Variants in GRID1 observed in about 807,000 individuals in gnomAD.
GRID1 encodes glutamate ionotropic receptor delta type subunit 1.
In GRID1, 28 loss-of-function variants were observed where a neutral mutation model predicts 98.0. The observed-to-expected ratio is 0.29, with a 90% CI of 0.21 to 0.39. The LOEUF (loss-of-function observed/expected upper bound fraction) is 0.39. GRID1 is among the 10% of genes least tolerant of loss of function. The pLI is 1.00. For synonymous variants in GRID1, 553 were observed against 538.5 expected, an observed-to-expected ratio of 1.03 and a Z score of -0.37; for missense variants, 1,111 against 1,340.5, an observed-to-expected ratio of 0.83 and a Z score of 2.67.
chr10:86,197,713 G>C lies in GRID1; in HGVS notation c.520+8651C>G, dbSNP rs139420334. Among the ~76,000 whole-genome samples the C allele has an allele frequency of 6.9e-3, 1,045 of 152,144 alleles. 13 individuals are homozygous for C. Among genetic ancestry groups the C allele is most frequent in the African/African-American group, 0.024 (1,004 of 41,524 alleles). On this transcript the variant is annotated intron_variant, in intron 3 of 15. Transcript: ENST00000327946. Reference sequence around the variant, plus strand: ...GCCTCACTTTCCAGTCCTTTATGCAGGCCTGCATCAGGCATCTCCTCATGT... The same window carrying C: ...GCCTCACTTTCCAGTCCTTTATGCACGCCTGCATCAGGCATCTCCTCATGT...
chr10:85,820,055 C>A lies in GRID1; in HGVS notation c.1233+34441G>T, dbSNP rs149206070. 8.7e-3 allele frequency among the ~76,000 whole-genome samples: 843 copies of A among 97,250 alleles called. 6 individuals carry two copies. The highest frequency in any genetic ancestry group is 0.012 in the East Asian group (38 of 3,042). The allele number at this position is 97,250 out of a possible 152,430, so 63.8% of individuals were successfully genotyped here. On this transcript the variant is annotated intron_variant, in intron 8 of 15. Transcript: ENST00000327946. ...GCAGGCAGGCAGGCAGGCAGGCAGG[C>A]AGGCAGGCAGGCAGGAAGGCAGGTA...
intron 4 of GRID1, among the ~76,000 whole-genome samples, chr10:86,003,846 G>A (rs1842829295): frequency 6.6e-6 from 1 of 152,148 alleles, no homozygotes; most frequent in African/African-American, 2.4e-5. Context: ...AAAGTGTAAC[G>A]AACTTGGAGA....
At chr10:86,046,863 A>AG (rs1843431793) in intron 4 of GRID1, among the ~76,000 whole-genome samples, 1 of 42,288 alleles carries the variant, frequency 2.4e-5, no homozygotes, top group Non-Finnish European at 6.2e-5. Context: ...GCCCATTTCA[A>AG]AAAAAAAAAA....
In GRID1 at chr10:85,602,540, C is replaced by T; in HGVS notation, c.2763G>A (p.Gln921=). 6.2e-7 allele frequency: 1 copy of T among 1,614,100 alleles called. No homozygotes were observed. Residue 921 remains glutamine, a synonymous_variant, in exon 16 of 16, where the codon CAG becomes CAA. Transcript: ENST00000327946. The stretch of plus-strand genomic sequence containing the variant: ...AGGTGCTGACCGAGAGCTGGGTGTT[C>T]TGGTACTCCCGTGTCGGCTCCAAGG... ...TQTLEPTREY[Q]NTQLSVSTFL...
intron 8 of GRID1, among the ~76,000 whole-genome samples, chr10:85,731,559 G>A (rs1213706901): frequency 2.6e-5 from 4 of 151,952 alleles, no homozygotes; most frequent in South Asian, 4.2e-4. Flanking sequence ...CCAGCATTTC[G>A]GGAGGCCAAG....
rs1458088436 is a variant in GRID1 at position 85,854,481 on chromosome 10, G to A, written c.1233+15C>T. 1.2e-6 allele frequency: 2 copies of A among 1,613,026 alleles called. No homozygotes were observed. The highest frequency in any genetic ancestry group is 1.7e-5 in the Admixed American group (1 of 59,966). ...CATAGCAGGAAGATTGGAAGACAGG[G>A]AGCCTGAGGCTTACCTTGCGCATGT... On this transcript the variant is annotated intron_variant, in intron 8 of 15. Coordinates refer to ENST00000327946, the MANE Select transcript of GRID1 (RefSeq NM_017551.3).
At chr10:85,945,103 C>A (rs769889680) in intron 4 of GRID1, among the ~76,000 whole-genome samples, 2 of 152,278 alleles carry the variant, frequency 1.3e-5, no homozygotes, top group Middle Eastern at 3.4e-3. Flanking sequence ...GAACACCTAT[C>A]AGCAAAACCT....
intron 12 of GRID1, among the ~76,000 whole-genome samples, chr10:85,679,485 A>G (rs1841182610): frequency 6.6e-6 from 1 of 152,120 alleles, no homozygotes; most frequent in African/African-American, 2.4e-5. Flanking sequence ...CCTCAACCCA[A>G]CCTAAATGGA....
intron 2 of GRID1, among the ~76,000 whole-genome samples, chr10:86,247,606 G>A (rs1276949583): frequency 1.3e-5 from 2 of 152,208 alleles, no homozygotes; most frequent in Non-Finnish European, 2.9e-5. Flanking sequence ...AAGGCTCTGG[G>A]TCTTCCAGTA....
intron 8 of GRID1, among the ~76,000 whole-genome samples, chr10:85,814,626 A>G (rs982528358): frequency 6.6e-6 from 1 of 151,930 alleles, no homozygotes; most frequent in African/African-American, 2.4e-5. Context: ...CATACTTTTA[A>G]ATGATATTAA....
At chr10:86,289,202 T>C (rs1847477058) in intron 2 of GRID1, among the ~76,000 whole-genome samples, 1 of 152,018 alleles carries the variant, frequency 6.6e-6, no homozygotes, top group Non-Finnish European at 1.5e-5. Flanking sequence ...AACTGTCTAA[T>C]GAAGACCAAT....
At chr10:85,689,193 T>C (rs911281826) in intron 12 of GRID1, among the ~76,000 whole-genome samples, 1 of 152,150 alleles carries the variant, frequency 6.6e-6, no homozygotes, top group African/African-American at 2.4e-5. Flanking sequence ...ATTACAACTT[T>C]GTAGAATAGC....
chr10:86,146,622 T>G (rs1472465470), intron 3 of GRID1, among the ~76,000 whole-genome samples: 1 of 152,210 alleles, frequency 6.6e-6, no homozygotes, highest in Non-Finnish European at 1.5e-5. Context: ...CAGCTATGCA[T>G]TTCCTCTTCC....
At chr10:85,902,513 T>G (rs1202281855) in intron 5 of GRID1, among the ~76,000 whole-genome samples, 1 of 152,358 alleles carries the variant, frequency 6.6e-6, no homozygotes, top group African/African-American at 2.4e-5. Context: ...ATAGTAGGAC[T>G]TTCCATAATA....
intron 8 of GRID1, among the ~76,000 whole-genome samples, chr10:85,804,676 C>CA (rs113366021): frequency 2.6e-5 from 4 of 151,448 alleles, no homozygotes; most frequent in African/African-American, 7.2e-5. Context: ...TTTTACCTTT[C>CA]AAAAAAAATC....
At chr10:85,992,615 T>TGG (rs553943841) in intron 4 of GRID1, among the ~76,000 whole-genome samples, 9,054 of 143,700 alleles carry the variant, frequency 0.063, 302 homozygotes, top group Non-Finnish European at 0.09. Flanking sequence ...TGAGGAGAGG[T>TGG]GGGGGGGGAA....
chr10:85,622,993 C>T (rs1402509395), intron 13 of GRID1, among the ~76,000 whole-genome samples: 1 of 152,128 alleles, frequency 6.6e-6, no homozygotes, highest in Non-Finnish European at 1.5e-5. Context: ...ACTTTATGGA[C>T]AGGACCCTGA....
At chr10:86,063,079 C>A (rs1296090545) in intron 4 of GRID1, among the ~76,000 whole-genome samples, 3 of 152,276 alleles carry the variant, frequency 2.0e-5, no homozygotes, top group African/African-American at 7.2e-5. Flanking sequence ...GGAGCCTCCA[C>A]CTCCACCCCA....
intron 2 of GRID1, among the ~76,000 whole-genome samples, chr10:86,213,797 C>T (rs1846138377): frequency 1.3e-5 from 2 of 152,042 alleles, no homozygotes. Flanking sequence ...GCAGCTCAAA[C>T]TTGATGCATC....
Sources: allele counts gnomAD v4.1 joint callset (sites outside exome capture counted in the v4.1 genomes callset), GRCh38; gene constraint gnomAD v4.1.1; transcripts MANE v1.5; gene names NCBI Gene and HGNC (gene_info 2026-07-23, HGNC 2026-07-21).